The following RS1 variants were observed in gnomAD, a reference collection of about 807,000 sequenced individuals.
RS1 encodes the protein retinoschisin 1, also known as retinoschisin.
In RS1, 2 loss-of-function variants were observed where a neutral mutation model predicts 20.8. That is an observed-to-expected ratio of 0.10 (90% CI 0.04 to 0.30). RS1 has a LOEUF of 0.30. RS1 is among the 10% of genes least tolerant of loss of function. The probability of loss-of-function intolerance (pLI) is 1.00; values close to 1 mark genes in which losing one functional copy is unlikely to be tolerated. For synonymous variants in RS1, 70 were observed against 75.8 expected, an observed-to-expected ratio of 0.92 and a Z score of 0.40; for missense variants, 151 against 189.8, an observed-to-expected ratio of 0.80 and a Z score of 1.20.
chrX:18,652,698 GAC>G (rs776153573), intron 3 of RS1, among the ~76,000 whole-genome samples: 1 of 111,506 alleles, frequency 9.0e-6, no homozygotes, highest in East Asian at 2.8e-4. Context: ...ATCCTTATCA[GAC>G]ACACACAGAA....
In RS1 at chrX:18,653,501, C is replaced by T. The variant is rs745370971; in HGVS notation, c.184+3152G>A. The stretch of plus-strand genomic sequence containing the variant: ...CACAGGGCCCAGGTAAACCAAGCTG[C>T]GCTCCTGACATACCATGAGAATGCG... On this transcript the variant is annotated intron_variant, in intron 3 of 5. Coordinates refer to ENST00000379984, the MANE Select transcript of RS1 (RefSeq NM_000330.4). 11 of 1,211,722 alleles carry T rather than the reference C, an allele frequency of 9.1e-6. No individual in the cohort carries two copies. Among genetic ancestry groups the T allele is most frequent in the Admixed American group, 4.3e-5 (2 of 46,029 alleles).
chrX:18,668,417 T>G (rs1727813305), intron 1 of RS1, among the ~76,000 whole-genome samples: 1 of 112,555 alleles, frequency 8.9e-6, no homozygotes, highest in African/African-American at 3.2e-5. Context: ...AAAACCTAGT[T>G]TAGTCTCTTG....
rs104894934 is a variant in RS1, at chrX:18,647,192, C to G, written c.325G>C (p.Gly109Arg). 10 of 1,211,119 alleles carry G rather than the reference C, an allele frequency of 8.3e-6. No homozygotes were observed. The highest frequency in any genetic ancestry group is 1.1e-6 in the Non-Finnish European group (1 of 895,409). ...AAAAAATCCCCGGGCCCTGCTTACC[C>G]AAAGCCTTGACTGTTGAGCCGGGCC... Reference protein sequence around the residue: ...NKARLNSQGFGCAWLSKFQDS... With the variant: ...NKARLNSQGFRCAWLSKFQDS... The change falls in exon 4 of 6, where the codon GGG (glycine) becomes CGG (arginine). Residue 109 changes from glycine (G) to arginine (R), a missense_variant and splice_region_variant. Physicochemically the swap from Gly to Arg is moderately radical, Grantham distance 125. Transcript: ENST00000379984.
rs971139221 is a variant in RS1, at chrX:18,646,152, CTT to C, written c.326+1037_326+1038del. ...AACGACCCTAGACTACTGAATGAAACTTTTTTTTTTCCTTTCTGAGACAGAGT... is the reference window on the plus strand; with the variant it reads ...AACGACCCTAGACTACTGAATGAAACTTTTTTTTCCTTTCTGAGACAGAGT... On this transcript the variant is annotated intron_variant, in intron 4 of 5. Transcript: ENST00000379984. The C allele has an allele frequency of 4.4e-6, 5 of 1,146,647 alleles. No individual in the cohort carries two copies. In the African/African-American group the frequency reaches 7.3e-5, roughly 17 times the overall value. 94.5% of individuals were successfully genotyped at this position (1,146,647 alleles called of 1,213,427 possible). A position where few individuals can be genotyped will look rare whatever the true frequency, so the allele number is the denominator to read the frequency against.
At position 18,641,974 on chromosome X, in the gene RS1, C is replaced by T. The variant is rs776325745; in HGVS notation, c.*30G>A. 5.0e-6 allele frequency: 6 copies of T among 1,205,882 alleles called. No individual in the cohort carries two copies. In the African/African-American group the frequency reaches 7.0e-5, roughly 14 times the overall value. On this transcript the variant is annotated 3_prime_UTR_variant, in exon 6 of 6. Transcript: ENST00000379984. Reference sequence around the variant, plus strand: ...CTACGGCCCGCTCTGTGCCAGTCACCCCCTGGCAGGCGCCGAGCTGAGGCA... The same window carrying T: ...CTACGGCCCGCTCTGTGCCAGTCACTCCCTGGCAGGCGCCGAGCTGAGGCA...
chrX:18,668,630 G>A (rs2147208169), intron 1 of RS1, among the ~76,000 whole-genome samples: 1 of 113,322 alleles, frequency 8.8e-6, no homozygotes, highest in Admixed American at 9.3e-5. Context: ...GTGTGAAAGT[G>A]TTACTATTTT....
intron 4 of RS1, chrX:18,646,172 G>A: frequency 8.4e-7 from 1 of 1,186,155 alleles, no homozygotes; most frequent in Admixed American, 2.3e-5. Flanking sequence ...TCCTTTCTGA[G>A]ACAGAGTCTT....
chrX:18,655,984 T>G (rs1210836634), intron 3 of RS1, among the ~76,000 whole-genome samples: 3 of 95,836 alleles, frequency 3.1e-5, no homozygotes, highest in Non-Finnish European at 6.2e-5. Flanking sequence ...TCTTTTCTTT[T>G]CCTTTTTTTT....
In RS1 at chrX:18,665,595, C is replaced by T. The variant is rs984469408; in HGVS notation, c.52+6422G>A. ...ATAAAGAGGACGTTTCCTGGCCGGA[C>T]GCAGTGGCTCATGGCTGTAATTCTA... On this transcript the variant is annotated intron_variant, in intron 1 of 5. Coordinates refer to ENST00000379984, the MANE Select transcript of RS1 (RefSeq NM_000330.4). Among the ~76,000 whole-genome samples the T allele has an allele frequency of 4.5e-5, 5 of 110,966 alleles. No homozygotes were observed. In the Admixed American group the frequency reaches 4.8e-4, roughly 11 times the overall value.
chrX:18,650,236 ATG>A (rs1927970642), intron 3 of RS1: 1 of 501,961 alleles, frequency 2.0e-6, no homozygotes, highest in Non-Finnish European at 3.5e-6. Flanking sequence ...GCAGCAGAGA[ATG>A]TGTGGCTCAC....
chrX:18,656,815 G>T, intron 2 of RS1, 57 bp from the exon 3 acceptor site: 1 of 989,212 alleles, frequency 1.0e-6, no homozygotes, highest in African/African-American at 1.9e-5. Context: ...AACTGTGGTT[G>T]CCCCCACGGA....
chrX:18,651,094 C>T (rs1452865474), intron 3 of RS1, among the ~76,000 whole-genome samples: 3 of 109,637 alleles, frequency 2.7e-5, no homozygotes, highest in Admixed American at 9.8e-5. Flanking sequence ...CTATCCTACT[C>T]TGTTCTGTCC....
At chrX:18,654,329 A>G (rs866002261) in intron 3 of RS1, among the ~76,000 whole-genome samples, 14 of 110,009 alleles carry the variant, frequency 1.3e-4, no homozygotes, top group African/African-American at 4.3e-4. Flanking sequence ...CCATCTAGAG[A>G]TGGGGTTTCG....
rs1433549547 is a variant in RS1, at chrX:18,641,952, C to T, written c.*52G>A. 91 of 1,197,272 alleles carry T rather than the reference C, an allele frequency of 7.6e-5. No homozygotes were observed. In the East Asian group the frequency reaches 2.0e-3, roughly 27 times the overall value. ...CGGTGGTGTGTGAGGGGGTCCCCTA[C>T]GGCCCGCTCTGTGCCAGTCACCCCC... On this transcript the variant is annotated 3_prime_UTR_variant, in exon 6 of 6. Coordinates refer to ENST00000379984, the MANE Select transcript of RS1 (RefSeq NM_000330.4).
chrX:18,652,388 G>T (rs1001030019), intron 3 of RS1, among the ~76,000 whole-genome samples: 2 of 112,533 alleles, frequency 1.8e-5, no homozygotes, highest in South Asian at 7.3e-4. Flanking sequence ...GGGATCCAAG[G>T]CTGGGTGCAG....
At chrX:18,659,628 A>G (rs889425754) in intron 1 of RS1, among the ~76,000 whole-genome samples, 5 of 111,875 alleles carry the variant, frequency 4.5e-5, no homozygotes, top group African/African-American at 1.6e-4. Flanking sequence ...TGCATTGGAC[A>G]CTGCTGGTTT....
Position 18,652,525 on chromosome X carries a change from C to T in RS1, c.184+4128G>A, listed in dbSNP as rs974580331. On this transcript the variant is annotated intron_variant, in intron 3 of 5. Transcript: ENST00000379984. ...CTCTACTAAAAATACAAAAATTAGC[C>T]GAGCGCAGTGGTTGGCACCTGTAAT... Among the ~76,000 whole-genome samples the T allele has an allele frequency of 1.2e-4, 13 of 111,399 alleles. No individual in the cohort carries two copies. In the South Asian group the frequency reaches 3.0e-3, roughly 26 times the overall value.
At chrX:18,648,254 TTTC>T (rs1233316354) in intron 3 of RS1, among the ~76,000 whole-genome samples, 1 of 110,459 alleles carries the variant, frequency 9.1e-6, no homozygotes, top group East Asian at 2.9e-4. Context: ...TCCTTTTTTT[TTTC>T]TTTTGAGACA....
chrX:18,649,659 C>G (rs1927944849), intron 3 of RS1, among the ~76,000 whole-genome samples: 1 of 111,952 alleles, frequency 8.9e-6, no homozygotes, highest in Non-Finnish European at 1.9e-5. Context: ...AATGCAGTTT[C>G]CAGGACTCCA....
Sources: allele counts gnomAD v4.1 joint callset (sites outside exome capture counted in the v4.1 genomes callset), GRCh38; gene constraint gnomAD v4.1.1; transcripts MANE v1.5; gene names NCBI Gene and HGNC (gene_info 2026-07-23, HGNC 2026-07-21).